L2HGDH: variants seen among roughly 807,000 people sequenced by gnomAD.
The protein encoded by L2HGDH is L-2-hydroxyglutarate dehydrogenase.
A neutral mutation model predicts 51.5 loss-of-function variants in L2HGDH; 34 were observed. That is an observed-to-expected ratio of 0.66 (90% confidence interval 0.50 to 0.88). The LOEUF (loss-of-function observed/expected upper bound fraction) is 0.88. Ranked by LOEUF, L2HGDH falls within the 40% of genes least tolerant of loss-of-function variation. The pLI, the probability that L2HGDH is intolerant of heterozygous loss-of-function variation, is 0.00. For missense variants in L2HGDH, 558 were observed against 571.9 expected (o/e 0.98, Z 0.25); for synonymous variants, 198 against 197.9 (o/e 1.00, Z -0.01).
chr14:50,290,132 T>C (rs577847951), intron 4 of L2HGDH, among the ~76,000 whole-genome samples: 85 of 151,508 alleles, frequency 5.6e-4, no homozygotes, highest in East Asian at 3.9e-4. Context: ...CCAGGTGTGG[T>C]GGTGGGCGCC....
chr14:50,269,065 A>C lies in L2HGDH; in HGVS notation c.906+98T>G, dbSNP rs1889514791. 6 of 1,127,108 alleles carry C rather than the reference A, an allele frequency of 5.3e-6. No individual in the cohort carries two copies. In the East Asian group the frequency reaches 1.2e-4, roughly 23 times the overall value. 69.8% of individuals were successfully genotyped at this position (1,127,108 alleles called of 1,614,324 possible). On this transcript the variant is annotated intron_variant, in intron 7 of 9. Transcript: ENST00000267436. Reference sequence around the variant, plus strand: ...ATGCTTACAAAAACGGTCCTTCAAAATTTCTCTTATTTCTGACCCAAGTGA... The same window carrying C: ...ATGCTTACAAAAACGGTCCTTCAAACTTTCTCTTATTTCTGACCCAAGTGA...
chr14:50,304,901 C>T (rs997117247), intron 1 of L2HGDH, among the ~76,000 whole-genome samples: 6 of 152,124 alleles, frequency 3.9e-5, no homozygotes, highest in Admixed American at 2.6e-4. Context: ...TAAAAGATTA[C>T]CTTTAACACT....
intron 9 of L2HGDH, among the ~76,000 whole-genome samples, chr14:50,263,445 AG>A (rs1889152459): frequency 6.6e-6 from 1 of 152,242 alleles, no homozygotes; most frequent in African/African-American, 2.4e-5. Flanking sequence ...CATTACAGTC[AG>A]ATTTAAACGA....
chr14:50,308,138 C>A (rs577266904), intron 1 of L2HGDH, among the ~76,000 whole-genome samples: 2 of 152,334 alleles, frequency 1.3e-5, no homozygotes, highest in African/African-American at 4.8e-5. Flanking sequence ...CGCCTTTAAT[C>A]CCAGCACTTT....
chr14:50,267,145 TTTTA>T (rs149075578), intron 8 of L2HGDH, among the ~76,000 whole-genome samples: 35,435 of 143,224 alleles, frequency 0.25, 4,543 homozygotes, highest in African/African-American at 0.29. Flanking sequence ...TTCTTTTTAT[TTTTA>T]TTTATTTATT....
At chr14:50,285,498 CAT>C (rs1890519054) in intron 4 of L2HGDH, among the ~76,000 whole-genome samples, 1 of 152,208 alleles carries the variant, frequency 6.6e-6, no homozygotes, top group Non-Finnish European at 1.5e-5. Flanking sequence ...ACTAAATTCA[CAT>C]GCCAGTAACT....
At chr14:50,261,389 G>A (rs1451228209) in intron 9 of L2HGDH, among the ~76,000 whole-genome samples, 3 of 152,172 alleles carry the variant, frequency 2.0e-5, no homozygotes, top group African/African-American at 7.2e-5. Flanking sequence ...TGACATATAT[G>A]TCTTCGTCTT....
chr14:50,250,745 G>C (rs567522320), intron 9 of L2HGDH, among the ~76,000 whole-genome samples: 5 of 152,324 alleles, frequency 3.3e-5, no homozygotes, highest in South Asian at 2.1e-4. Context: ...TAAGGGAAAA[G>C]AACAAGAGTC....
chr14:50,275,446 A>C (rs1889925868), intron 6 of L2HGDH, among the ~76,000 whole-genome samples: 1 of 152,224 alleles, frequency 6.6e-6, no homozygotes, highest in South Asian at 2.1e-4. Flanking sequence ...TTCCCTGCCT[A>C]TAATGCTTCT....
chr14:50,250,959 A>G (rs1888314499), intron 9 of L2HGDH, among the ~76,000 whole-genome samples: 1 of 152,222 alleles, frequency 6.6e-6, no homozygotes, highest in Admixed American at 6.5e-5. Context: ...CAATGCCCAG[A>G]CACCAAAGAA....
At chr14:50,263,037 G>A (rs543052671) in intron 9 of L2HGDH, among the ~76,000 whole-genome samples, 24 of 152,270 alleles carry the variant, frequency 1.6e-4, no homozygotes, top group Non-Finnish European at 2.9e-4. Flanking sequence ...CCACAAGCCC[G>A]AAGTCCAGTT....
At chr14:50,256,097 A>G (rs959178344) in intron 9 of L2HGDH, among the ~76,000 whole-genome samples, 1 of 152,200 alleles carries the variant, frequency 6.6e-6, no homozygotes, top group African/African-American at 2.4e-5. Context: ...CATTATTGTC[A>G]TATGTCAAGC....
chr14:50,282,171 G>T (rs1316033946), intron 5 of L2HGDH, among the ~76,000 whole-genome samples: 2 of 152,102 alleles, frequency 1.3e-5, no homozygotes, highest in Non-Finnish European at 2.9e-5. Flanking sequence ...TCACTTGGGG[G>T]CGTGATGGTA....
At chr14:50,309,230 T>C (rs1295742527) in intron 1 of L2HGDH, among the ~76,000 whole-genome samples, 3 of 152,234 alleles carry the variant, frequency 2.0e-5, no homozygotes, top group Non-Finnish European at 2.9e-5. Context: ...AAAGATCTTG[T>C]CCTTTTTCTA....
At chr14:50,282,308 G>A (rs1890318864) in intron 5 of L2HGDH, 1 of 381,904 alleles carries the variant, frequency 2.6e-6, no homozygotes, top group Non-Finnish European at 5.1e-6. Flanking sequence ...CCCTTTCCTA[G>A]ACCTCCCCTC....
At chr14:50,267,188 T>C (rs181124381) in intron 8 of L2HGDH, among the ~76,000 whole-genome samples, 2,056 of 131,914 alleles carry the variant, frequency 0.016, 2 homozygotes, top group Non-Finnish European at 0.021. Context: ...TTTATTTATT[T>C]ATTCATTTTT....
In L2HGDH at chr14:50,278,534, T is replaced by C. The variant is rs1396524581; in HGVS notation, c.724A>G (p.Ile242Val). Residue 242 changes from isoleucine (I) to valine (V), a missense_variant, in exon 6 of 10, where the codon ATA (isoleucine) becomes GTA (valine). Physicochemically the swap from Ile to Val is conservative, Grantham distance 29. Around this residue, in one of 3 missense-constraint regions of L2HGDH, gnomAD observed 321 missense variants for 311.8 expected, o/e 1.03. Transcript: ENST00000267436. ...AGAATCTTTACCTTTGTATTCTTTA[T>C]AACAATTGGATATTGCATTCCTGAA... ...SIDGMQYPIV[I>V]KNTKGEEIRC... is the part of the protein sequence containing the mutation. 6.7e-7 allele frequency: 1 copy of C among 1,493,814 alleles called. No homozygotes were observed. Among genetic ancestry groups the C allele is most frequent in the Admixed American group, 1.7e-5 (1 of 58,052 alleles). The allele number at this position is 1,493,814 out of a possible 1,614,324, so 92.5% of individuals were successfully genotyped here.
At chr14:50,303,823 A>AAC (rs2030569597) in intron 1 of L2HGDH, among the ~76,000 whole-genome samples, 3 of 151,124 alleles carry the variant, frequency 2.0e-5, no homozygotes, top group African/African-American at 7.3e-5. Context: ...AAAAAAAAAA[A>AAC]AAAAACCTCA....
intron 1 of L2HGDH, 51 bp downstream of exon 1, chr14:50,311,960 C>T (rs749364257): frequency 6.5e-7 from 1 of 1,539,996 alleles, no homozygotes; most frequent in South Asian, 1.2e-5. Context: ...CACCAGGTGC[C>T]TCCGCGAGGG....
Sources: gnomAD v4.1 joint callset for allele counts (sites outside exome capture counted in the v4.1 genomes callset) on GRCh38, gnomAD v4.1.1 for gene constraint, gnomAD v4.1.1 regional missense constraint, MANE v1.5 for transcripts, NCBI Gene and HGNC (gene_info 2026-07-23, HGNC 2026-07-21) for gene names.